The following FERMT3 variants were observed in gnomAD, a reference collection of about 807,000 sequenced individuals.
The protein encoded by FERMT3 is FERM domain containing kindlin 3, also known as fermitin family homolog 3.
FERMT3 carries 33 observed loss-of-function variants against 80.8 expected under a neutral mutation model. The observed-to-expected ratio is 0.41, with a 90% CI of 0.31 to 0.55. The LOEUF is 0.55. Among genes scored for constraint, FERMT3 ranks in the 20% least tolerant of loss-of-function variants. The pLI, the probability that FERMT3 is intolerant of heterozygous loss-of-function variation, is 0.31. For missense variants in FERMT3, 754 were observed against 908.7 expected (o/e 0.83, Z 2.19); for synonymous variants, 375 against 372.2 (o/e 1.01, Z -0.09).
At chr11:64,216,659 G>A (rs1946557915) in intron 6 of FERMT3, among the ~76,000 whole-genome samples, 1 of 151,144 alleles carries the variant, frequency 6.6e-6, no homozygotes, top group African/African-American at 2.4e-5. Flanking sequence ...AGCCGGGCGT[G>A]GTGGTGGGCG....
chr11:64,220,060 T>G, intron 10 of FERMT3, 45 bp downstream of exon 10: 1 of 1,609,960 alleles, frequency 6.2e-7, no homozygotes, highest in Non-Finnish European at 8.5e-7. Flanking sequence ...TCCCCACTTG[T>G]GGGCTAGGCA....
rs1565300730 is a variant in FERMT3 at position 64,223,869 on chromosome 11, T to TA, written c.*379dup. On this transcript the variant is annotated 3_prime_UTR_variant, in exon 15 of 15. Coordinates refer to ENST00000345728, the MANE Select transcript of FERMT3 (RefSeq NM_031471.6). ...TTTTTAAAATTTCTTTTTTATAAAT[T>TA]AATATTTTATTGTTGGATCCTCCTC... 6.4e-7 allele frequency: 1 copy of TA among 1,560,174 alleles called. No homozygotes were observed. The highest frequency in any genetic ancestry group is 8.7e-7 in the Non-Finnish European group (1 of 1,150,458).
chr11:64,212,050 T>C (rs1201193996), intron 6 of FERMT3, among the ~76,000 whole-genome samples: 1 of 151,938 alleles, frequency 6.6e-6, no homozygotes, highest in African/African-American at 2.4e-5. Context: ...TCATAGACAG[T>C]GTGTGTGTGG....
rs1946409203 is a variant in FERMT3, at chr11:64,210,388, G to A, written c.161-223G>A. ...CTGGGTTGGAGAGCTCCCCTGGGAA[G>A]CGATATAGAAGCCAAGCCTAGAAGG... On this transcript the variant is annotated intron_variant, in intron 2 of 14. Coordinates refer to ENST00000345728, the MANE Select transcript of FERMT3 (RefSeq NM_031471.6). The surrounding 1 kb of genome is among the most constrained non-coding windows in gnomAD (Gnocchi z 4.3). Among the ~76,000 whole-genome samples the A allele has an allele frequency of 1.3e-5, 2 of 152,224 alleles. No homozygotes were observed. The highest frequency in any genetic ancestry group is 4.1e-4 in the South Asian group (2 of 4,832).
intron 10 of FERMT3, 66 bp downstream of exon 10, chr11:64,220,081 C>A: frequency 6.3e-7 from 1 of 1,592,866 alleles, no homozygotes; most frequent in South Asian, 1.1e-5. Context: ...GGTGAATGCT[C>A]TCACCGGCCC....
intron 6 of FERMT3, among the ~76,000 whole-genome samples, chr11:64,215,559 ATTTATATT>A (rs1187226999): frequency 2.0e-5 from 3 of 152,090 alleles, no homozygotes; most frequent in African/African-American, 7.2e-5. Context: ...ATAGAACCAA[ATTTATATT>A]TTTATCTTTC....
In FERMT3 at chr11:64,219,482, A is replaced by G. The variant is rs1288656411; in HGVS notation, c.895-42A>G. 1 of 1,571,984 alleles carries G rather than the reference A, an allele frequency of 6.4e-7. No individual in the cohort carries two copies. The highest frequency in any genetic ancestry group is 1.7e-4 in the Middle Eastern group (1 of 6,006). On this transcript the variant is annotated intron_variant, in intron 7 of 14. Transcript: ENST00000345728. This position sits in a 1 kb window ranked among gnomAD's most constrained non-coding sequence, Gnocchi z 4.0. Reference sequence around the variant, plus strand: ...GGCCTGGGGGTACTGCTAGGGGACCAGGCTGCTGGACTCAGCCCTCCCTGG... The same window carrying G: ...GGCCTGGGGGTACTGCTAGGGGACCGGGCTGCTGGACTCAGCCCTCCCTGG...
intron 2 of FERMT3, chr11:64,208,047 G>C (rs891638994): frequency 6.5e-6 from 1 of 153,600 alleles, no homozygotes; most frequent in East Asian, 1.9e-4. Context: ...GGGGGTGGGG[G>C]CTACCCCTTC....
At position 64,223,558 on chromosome 11, in the gene FERMT3, A is replaced by G; in HGVS notation, c.*66A>G. On this transcript the variant is annotated 3_prime_UTR_variant, in exon 15 of 15. Transcript: ENST00000345728. The stretch of plus-strand genomic sequence containing the variant: ...CAGCCACTCCCAAGCCCACACCCAC[A>G]GGGGCTCACTGCCCCACACCCGCTC... 6.5e-7 allele frequency: 1 copy of G among 1,532,124 alleles called. No homozygotes were observed. Among genetic ancestry groups the G allele is most frequent in the South Asian group, 1.2e-5 (1 of 86,206 alleles). The allele number at this position is 1,532,124 out of a possible 1,614,324, so 94.9% of individuals were successfully genotyped here. A position where few individuals can be genotyped will look rare whatever the true frequency, so the allele number is the denominator to read the frequency against.
chr11:64,220,343 C>A lies in FERMT3; in HGVS notation c.1311+17C>A. On this transcript the variant is annotated intron_variant, in intron 11 of 14. Coordinates refer to ENST00000345728, the MANE Select transcript of FERMT3 (RefSeq NM_031471.6). ...TGCCAGGATGTGAGTGAGGGCTGGG[C>A]AGGGGCCAGGGCCGGGCAGGAGCTG... The A allele has an allele frequency of 6.2e-7, 1 of 1,611,380 alleles. No individual in the cohort carries two copies. Among genetic ancestry groups the A allele is most frequent in the South Asian group, 1.1e-5 (1 of 91,044 alleles).
chr11:64,212,387 C>T lies in FERMT3; in HGVS notation c.786+640C>T, dbSNP rs75525131. On this transcript the variant is annotated intron_variant, in intron 6 of 14. Transcript: ENST00000345728. ...AACATCGTAGTTGTCTGAACGCTTG[C>T]TCCGCAGAATCCCACTTCTTGCTTC... is the stretch of plus-strand genomic sequence containing the variant. 3.3e-3 allele frequency among the ~76,000 whole-genome samples: 506 copies of T among 152,358 alleles called. 2 individuals carry two copies. The highest frequency in any genetic ancestry group is 0.018 in the East Asian group (94 of 5,186).
rs781259522 is a variant in FERMT3, at chr11:64,211,140, C to T, written c.483C>T (p.Leu161=). 32 of 1,522,806 alleles carry T rather than the reference C, an allele frequency of 2.1e-5. 1 individual carries two copies. In the East Asian group the frequency reaches 4.8e-4, roughly 23 times the overall value. The allele number at this position is 1,522,806 out of a possible 1,614,324, so 94.3% of individuals were successfully genotyped here. ...AAGAGAAGGAGCCAGAGGAAGAGCTCTATGACTTGAGCAAGGTTGTCTTGG... is the reference window on the plus strand; with the variant it reads ...AAGAGAAGGAGCCAGAGGAAGAGCTTTATGACTTGAGCAAGGTTGTCTTGG... ...KKKEKEPEEE[L]YDLSKVVLAG... Residue 161 remains leucine, a synonymous_variant, in exon 4 of 15, where the codon CTC becomes CTT. Coordinates refer to ENST00000345728, the MANE Select transcript of FERMT3 (RefSeq NM_031471.6). This position sits in a 1 kb window ranked among gnomAD's most constrained non-coding sequence, Gnocchi z 4.7.
rs189974455 is a variant in FERMT3 at position 64,209,996 on chromosome 11, G to A, written c.161-615G>A. The stretch of plus-strand genomic sequence containing the variant: ...TGCTCACTCATGGATCGTCATGTGC[G>A]TGCACAAGTTTGCTGCAAACCCTGC... On this transcript the variant is annotated intron_variant, in intron 2 of 14. Coordinates refer to ENST00000345728, the MANE Select transcript of FERMT3 (RefSeq NM_031471.6). 7.6e-4 allele frequency among the ~76,000 whole-genome samples: 116 copies of A among 152,316 alleles called. 2 individuals are homozygous for A. Among genetic ancestry groups the A allele is most frequent in the African/African-American group, 2.0e-3 (83 of 41,546 alleles).
In FERMT3 at chr11:64,223,856, C is replaced by A; in HGVS notation, c.*364C>A. 2.7e-6 allele frequency: 4 copies of A among 1,504,928 alleles called. No individual in the cohort carries two copies. Among genetic ancestry groups the A allele is most frequent in the South Asian group, 1.3e-5 (1 of 79,458 alleles). 93.2% of individuals were successfully genotyped at this position (1,504,928 alleles called of 1,614,324 possible). ...TCTTTCTTGTTACTTTTTAAAATTT[C>A]TTTTTTATAAATTAATATTTTATTG... On this transcript the variant is annotated 3_prime_UTR_variant, in exon 15 of 15. Coordinates refer to ENST00000345728, the MANE Select transcript of FERMT3 (RefSeq NM_031471.6).
Position 64,207,452 on chromosome 11 carries a change from G to A in FERMT3, c.88G>A (p.Glu30Lys). ...TGTGGGAGAGGAGGACCCAGAGGCCGAGTCGGTCACCCTGCGGGTCACTGG... is the reference window on the plus strand; with the variant it reads ...TGTGGGAGAGGAGGACCCAGAGGCCAAGTCGGTCACCCTGCGGGTCACTGG... ...VFVGEEDPEA[E>K]SVTLRVTGES... Residue 30 changes from glutamate (E) to lysine (K), a missense_variant, in exon 2 of 15, where the codon GAG (glutamate) becomes AAG (lysine). Transcript: ENST00000345728. 2 of 1,614,116 alleles carry A rather than the reference G, an allele frequency of 1.2e-6. No individual in the cohort carries two copies. Among genetic ancestry groups the A allele is most frequent in the Non-Finnish European group, 1.7e-6 (2 of 1,180,014 alleles).
chr11:64,219,237 T>A lies in FERMT3; in HGVS notation c.787-14T>A, dbSNP rs1591037670. The A allele has an allele frequency of 6.4e-7, 1 of 1,569,990 alleles. No homozygotes were observed. On this transcript the variant is annotated splice_polypyrimidine_tract_variant and intron_variant, in intron 6 of 14. Transcript: ENST00000345728. This position sits in a 1 kb window ranked among gnomAD's most constrained non-coding sequence, Gnocchi z 4.0. ...GACCAGCCCAGCCTCCAGCCTCCTC[T>A]CCCCCCGCTCCAGACAGACCCCGTG... is the stretch of plus-strand genomic sequence containing the variant.
At position 64,207,388 on chromosome 11, in the gene FERMT3, C is replaced by T. The variant is rs1258498079; in HGVS notation, c.24C>T (p.Ser8=). The change falls in exon 2 of 15, where the codon TCC becomes TCT. Residue 8 remains serine (S), a synonymous_variant. Transcript: ENST00000345728. ...CCATGGCGGGGATGAAGACAGCCTC[C>T]GGGGACTACATCGACTCGTCATGGG... is the stretch of plus-strand genomic sequence containing the variant. The part of the protein sequence containing the change: MAGMKTA[S]GDYIDSSWEL... 10 of 1,614,138 alleles carry T rather than the reference C, an allele frequency of 6.2e-6. No individual in the cohort carries two copies. Among genetic ancestry groups the T allele is most frequent in the East Asian group, 2.2e-5 (1 of 44,878 alleles).
At chr11:64,209,736 A>C (rs1397482938) in intron 2 of FERMT3, among the ~76,000 whole-genome samples, 1 of 152,076 alleles carries the variant, frequency 6.6e-6, no homozygotes, top group Non-Finnish European at 1.5e-5. Context: ...GGTGGGTGGG[A>C]TGCAGTGGGA....
intron 6 of FERMT3, among the ~76,000 whole-genome samples, chr11:64,213,120 A>G (rs992856246): frequency 2.0e-5 from 3 of 151,614 alleles, no homozygotes; most frequent in Non-Finnish European, 4.4e-5. Flanking sequence ...CAGTGGTGCA[A>G]TCTCGGCTCA....
Sources: allele counts gnomAD v4.1 joint callset (sites outside exome capture counted in the v4.1 genomes callset), GRCh38; gene constraint gnomAD v4.1.1; non-coding constraint Gnocchi (gnomAD v3.1); transcripts MANE v1.5; gene names NCBI Gene and HGNC (gene_info 2026-07-23, HGNC 2026-07-21).